The following LAMP5 variants were observed in gnomAD, a reference collection of about 807,000 sequenced individuals.
The protein encoded by LAMP5 is lysosome associated membrane protein 5.
Under a neutral mutation model 30.2 loss-of-function variants are expected in LAMP5, and 36 were observed. The observed-to-expected ratio is 1.19, with a 90% CI of 0.91 to 1.57. The LOEUF is 1.57. Ranked by LOEUF, LAMP5 falls within the 40% of genes most tolerant of loss-of-function variation. The pLI is 0.00. For missense variants in LAMP5, 377 were observed against 354.9 expected (o/e 1.06, Z -0.50); for synonymous variants, 149 against 134.6 (o/e 1.11, Z -0.74).
rs79163132 is a variant in LAMP5 at position 9,515,676 on chromosome 20, G to T, written c.237+51G>T. The stretch of plus-strand genomic sequence containing the variant: ...CTTGCTCCTAGGGCTCCAGGGCGAA[G>T]GGCACCCTTCCTCAAGGCTCTTCGA... On this transcript the variant is annotated intron_variant, in intron 2 of 5. Coordinates refer to ENST00000246070, the MANE Select transcript of LAMP5 (RefSeq NM_012261.4). 4,953 of 1,588,338 alleles carry T rather than the reference G, an allele frequency of 3.1e-3. 131 individuals are homozygous for T. The African/African-American group carries it at 0.058, about 19-fold the overall frequency.
In LAMP5 at chr20:9,529,802, G is replaced by A. The variant is rs745455986; in HGVS notation, c.825G>A (p.Gln275=). The change falls in exon 6 of 6, where the codon CAG becomes CAA. Residue 275 remains glutamine (Q), a synonymous_variant. Coordinates refer to ENST00000246070, the MANE Select transcript of LAMP5 (RefSeq NM_012261.4). ...NQVQIPRDRS[Q]YKHMG is the part of the protein sequence containing the mutation. The stretch of plus-strand genomic sequence containing the variant: ...TGCAGATCCCTCGGGACAGATCCCA[G>A]TATAAGCACATGGGCTAGAGGCCGT... 1 of 1,614,152 alleles carries A rather than the reference G, an allele frequency of 6.2e-7. No individual in the cohort carries two copies. Among genetic ancestry groups the A allele is most frequent in the Non-Finnish European group, 8.5e-7 (1 of 1,180,002 alleles).
At chr20:9,521,044 TAG>T (rs1483135635) in intron 5 of LAMP5, among the ~76,000 whole-genome samples, 1 of 152,036 alleles carries the variant, frequency 6.6e-6, no homozygotes, top group Non-Finnish European at 1.5e-5. Flanking sequence ...TGGAGCACTA[TAG>T]AGAGTTTGAA....
chr20:9,521,113 G>A (rs1167501720), intron 5 of LAMP5, among the ~76,000 whole-genome samples: 2 of 152,186 alleles, frequency 1.3e-5, no homozygotes, highest in East Asian at 1.9e-4. Flanking sequence ...TTTGTGAGAA[G>A]GGAAGCCCCT....
At chr20:9,518,544 C>T (rs1402345694) in intron 5 of LAMP5, among the ~76,000 whole-genome samples, 1 of 152,176 alleles carries the variant, frequency 6.6e-6, no homozygotes, top group Non-Finnish European at 1.5e-5. Context: ...TTTCATCTTT[C>T]CCTCTCTCCC....
intron 5 of LAMP5, among the ~76,000 whole-genome samples, chr20:9,520,274 T>C (rs2045070391): frequency 1.3e-5 from 2 of 152,254 alleles, no homozygotes; most frequent in South Asian, 4.1e-4. Context: ...GCAAGCCTCA[T>C]TCAGAATCAC....
intron 5 of LAMP5, 26 bp from the exon 6 acceptor site, chr20:9,529,616 T>A (rs2232268): frequency 0.2 from 328,438 of 1,605,880 alleles, 41,476 homozygotes; most frequent in African/African-American, 0.63. Context: ...ACCAGAGCTC[T>A]CTGCTTTTCT....
In LAMP5 at chr20:9,529,911, A is replaced by G; in HGVS notation, c.*91A>G. ...CTTTTCCATCTTGTACACGAGATAC[A>G]CCAACATAGCTACAATCAAACAGGC... On this transcript the variant is annotated 3_prime_UTR_variant, in exon 6 of 6. Coordinates refer to ENST00000246070, the MANE Select transcript of LAMP5 (RefSeq NM_012261.4). 1.5e-6 allele frequency: 2 copies of G among 1,291,150 alleles called. No homozygotes were observed. The highest frequency in any genetic ancestry group is 1.4e-5 in the South Asian group (1 of 71,746). 80.0% of individuals were successfully genotyped at this position (1,291,150 alleles called of 1,614,324 possible). A position where few individuals can be genotyped will look rare whatever the true frequency, so the allele number is the denominator to read the frequency against.
intron 5 of LAMP5, among the ~76,000 whole-genome samples, chr20:9,527,712 T>C (rs1007377429): frequency 4.6e-5 from 7 of 152,246 alleles, no homozygotes; most frequent in African/African-American, 1.7e-4. Flanking sequence ...GAGCCTGTTC[T>C]AGTTTCTAGG....
chr20:9,528,299 T>G (rs542604918), intron 5 of LAMP5, among the ~76,000 whole-genome samples: 87 of 101,286 alleles, frequency 8.6e-4, no homozygotes, highest in South Asian at 1.4e-3. Flanking sequence ...AGGATATGGG[T>G]GTGTGTGTGT....
intron 5 of LAMP5, among the ~76,000 whole-genome samples, chr20:9,526,250 TTTC>T (rs2045111534): frequency 6.6e-6 from 1 of 152,242 alleles, no homozygotes; most frequent in Non-Finnish European, 1.5e-5. Flanking sequence ...AATCAATGTA[TTTC>T]TTCTTAATAT....
rs535861280 is a variant in LAMP5, at chr20:9,514,784, A to C, written c.-69A>C. On this transcript the variant is annotated 5_prime_UTR_variant, in exon 1 of 6. Transcript: ENST00000246070. ...CTCACCCCGGCCCACTCCAGCGGCGACTTTGAGGGATTCCCTCTCTGGCGG... is the reference window on the plus strand; with the variant it reads ...CTCACCCCGGCCCACTCCAGCGGCGCCTTTGAGGGATTCCCTCTCTGGCGG... The C allele has an allele frequency of 9.5e-6, 14 of 1,468,328 alleles. No individual in the cohort carries two copies. In the Admixed American group the frequency reaches 2.4e-4, roughly 25 times the overall value. 91.0% of individuals were successfully genotyped at this position (1,468,328 alleles called of 1,614,324 possible).
At chr20:9,519,977 A>G (rs753600483) in intron 5 of LAMP5, among the ~76,000 whole-genome samples, 3 of 152,250 alleles carry the variant, frequency 2.0e-5, no homozygotes, top group Non-Finnish European at 4.4e-5. Flanking sequence ...ATAAATAAGT[A>G]CTGAATAAGG....
At chr20:9,525,406 T>A (rs191752471) in intron 5 of LAMP5, among the ~76,000 whole-genome samples, 1 of 152,308 alleles carries the variant, frequency 6.6e-6, no homozygotes, top group East Asian at 1.9e-4. Flanking sequence ...ACAGCAACCC[T>A]GTAAATTAGG....
At position 9,514,746 on chromosome 20, in the gene LAMP5, C is replaced by T. The variant is rs936557637; in HGVS notation, c.-107C>T. On this transcript the variant is annotated 5_prime_UTR_variant, in exon 1 of 6. Coordinates refer to ENST00000246070, the MANE Select transcript of LAMP5 (RefSeq NM_012261.4). ...CGCTCCCTCCCTCCCCCTTCTCTGT[C>T]CCCCGCCTCTCGCTCACCCCGGCCC... 7 of 954,638 alleles carry T rather than the reference C, an allele frequency of 7.3e-6. No homozygotes were observed. The African/African-American group carries it at 9.8e-5, about 13-fold the overall frequency. The allele number at this position is 954,638 out of a possible 1,614,324, so 59.1% of individuals were successfully genotyped here.
rs778024011 is a variant in LAMP5 at position 9,518,050 on chromosome 20, C to T, written c.486C>T (p.His162=). ...GGGCTCTTGCTGTAGCTGGGAAGCA[C>T]ACAGCCAACTCGCACCACCTCTCTG... The part of the protein sequence containing the change: ...HFKDAVSAGK[H]TANSHHLSAL... Residue 162 remains histidine (H), a synonymous_variant, in exon 5 of 6, where the codon CAC becomes CAT. Coordinates refer to ENST00000246070, the MANE Select transcript of LAMP5 (RefSeq NM_012261.4). 1.2e-6 allele frequency: 2 copies of T among 1,613,432 alleles called. No homozygotes were observed. The highest frequency in any genetic ancestry group is 8.5e-7 in the Non-Finnish European group (1 of 1,179,916).
At chr20:9,519,015 G>T (rs540931651) in intron 5 of LAMP5, among the ~76,000 whole-genome samples, 1 of 152,336 alleles carries the variant, frequency 6.6e-6, no homozygotes, top group Admixed American at 6.5e-5. Context: ...CTGTGCTGTG[G>T]CAGGTTCAGG....
In LAMP5 at chr20:9,530,144, A is replaced by G. The variant is rs183263992; in HGVS notation, c.*324A>G. The G allele has an allele frequency of 2.2e-5, 5 of 227,840 alleles. No individual in the cohort carries two copies. In the East Asian group the frequency reaches 4.4e-4, roughly 20 times the overall value. 14.1% of individuals were successfully genotyped at this position (227,840 alleles called of 1,614,324 possible). ...GCCACTTGGAGCTGTATCTGGCCCC[A>G]AAGTTTAGGGATTGAAAACATGCTT... On this transcript the variant is annotated 3_prime_UTR_variant, in exon 6 of 6. Coordinates refer to ENST00000246070, the MANE Select transcript of LAMP5 (RefSeq NM_012261.4).
intron 5 of LAMP5, among the ~76,000 whole-genome samples, chr20:9,525,477 G>A (rs1237252060): frequency 6.6e-6 from 1 of 152,110 alleles, no homozygotes; most frequent in Non-Finnish European, 1.5e-5. Flanking sequence ...CCCAGGGTTG[G>A]ACAGTGGAAG....
At chr20:9,524,847 G>A (rs1158119818) in intron 5 of LAMP5, among the ~76,000 whole-genome samples, 1 of 152,138 alleles carries the variant, frequency 6.6e-6, no homozygotes, top group African/African-American at 2.4e-5. Context: ...GACAAAGTCA[G>A]GTTTTGCTGC....
Sources: gnomAD v4.1 joint callset for allele counts (sites outside exome capture counted in the v4.1 genomes callset) on GRCh38, gnomAD v4.1.1 for gene constraint, MANE v1.5 for transcripts, NCBI Gene and HGNC (gene_info 2026-07-23, HGNC 2026-07-21) for gene names.